Variants in MRPL27 observed in about 807,000 individuals in gnomAD.
The protein encoded by MRPL27 is large ribosomal subunit protein bL27m.
MRPL27 carries 4 observed loss-of-function variants against 14.6 expected under a neutral mutation model. That is an observed-to-expected ratio of 0.27 (90% CI 0.14 to 0.63). The LOEUF is 0.63. Among genes scored for constraint, MRPL27 ranks in the 20% least tolerant of loss-of-function variants. MRPL27 has a pLI of 0.85. For synonymous variants in MRPL27, 82 were observed against 75.5 expected (o/e 1.09, Z -0.45); for missense variants, 196 against 192.8 (o/e 1.02, Z -0.10).
At chr17:50,368,389 C>T in intron 3 of MRPL27, 91 bp from the exon 4 acceptor site, 1 of 1,370,768 alleles carries the variant, frequency 7.3e-7, no homozygotes, top group Admixed American at 2.0e-5. Context: ...CAGAGCCGGG[C>T]CCTGGGGCTG....
At chr17:50,369,934 G>A (rs895202876) in intron 3 of MRPL27, 98 bp downstream of exon 3, 7 of 1,333,906 alleles carry the variant, frequency 5.2e-6, no homozygotes, top group Non-Finnish European at 7.5e-6. Flanking sequence ...TTGCCATTTG[G>A]TAAGCACTCA....
At position 50,368,003 on chromosome 17, in the gene MRPL27, G is replaced by T; in HGVS notation, c.*89C>A. 1.4e-6 allele frequency: 2 copies of T among 1,397,614 alleles called. No homozygotes were observed. Among genetic ancestry groups the T allele is most frequent in the Non-Finnish European group, 2.0e-6 (2 of 1,003,956 alleles). 86.6% of individuals were successfully genotyped at this position (1,397,614 alleles called of 1,614,324 possible). A position where few individuals can be genotyped will look rare whatever the true frequency, so the allele number is the denominator to read the frequency against. On this transcript the variant is annotated 3_prime_UTR_variant, in exon 4 of 4. Coordinates refer to ENST00000225969, the MANE Select transcript of MRPL27 (RefSeq NM_016504.3). ...ATCAAGCAGACCTCTTCCTCGGGAG[G>T]CCGTGTCGCCACCCCAACCCTTGAC...
rs778620389 is a variant in MRPL27, at chr17:50,373,179, T to C, written c.-9A>G. The C allele has an allele frequency of 6.2e-7, 1 of 1,609,358 alleles. No homozygotes were observed. On this transcript the variant is annotated 5_prime_UTR_variant, in exon 1 of 4. Transcript: ENST00000225969. ...AACACCACCGACGCCATGCTTTCGATCACTCACTTCCGGTCTCGAAAAGTT... is the reference window on the plus strand; with the variant it reads ...AACACCACCGACGCCATGCTTTCGACCACTCACTTCCGGTCTCGAAAAGTT...
intron 3 of MRPL27, chr17:50,368,886 T>C (rs767264771): frequency 2.8e-6 from 2 of 702,252 alleles, no homozygotes; most frequent in South Asian, 3.0e-5. Context: ...ATGTGAAATA[T>C]GAAGCAGAGA....
At chr17:50,370,376 C>T (rs1913094044) in intron 2 of MRPL27, 79 bp downstream of exon 2, 1 of 1,598,282 alleles carries the variant, frequency 6.3e-7, no homozygotes, top group African/African-American at 1.3e-5. Context: ...GGGCCAGGCA[C>T]ACGCAGGGTT....
rs566987704 is a variant in MRPL27, at chr17:50,370,072, A to G, written c.200T>C (p.Ile67Thr). Residue 67 changes from isoleucine (I) to threonine (T), a missense_variant, in exon 3 of 4, where the codon ATT becomes ACT. By Grantham distance (89) the Ile-to-Thr change is moderately conservative (BLOSUM62 -1). Transcript: ENST00000225969. ...EGHYVHAGNI[I>T]ATQRHFRWHP... ...CCAGCGGAAATGGCGCTGTGTTGCAATGATGTTCCCAGCATGAACATAGTG... is the reference window on the plus strand; with the variant it reads ...CCAGCGGAAATGGCGCTGTGTTGCAGTGATGTTCCCAGCATGAACATAGTG... The G allele has an allele frequency of 1.2e-5, 19 of 1,613,698 alleles. No individual in the cohort carries two copies. In the East Asian group the frequency reaches 4.2e-4, roughly 36 times the overall value.
chr17:50,371,352 G>A (rs1419969918), intron 1 of MRPL27, among the ~76,000 whole-genome samples: 2 of 152,130 alleles, frequency 1.3e-5, no homozygotes, highest in Non-Finnish European at 2.9e-5. Context: ...CTCCCACAGG[G>A]TCCTGGCCAT....
At chr17:50,370,237 G>T in intron 2 of MRPL27, 138 bp from the exon 3 acceptor site, 1 of 1,142,976 alleles carries the variant, frequency 8.7e-7, no homozygotes, top group Non-Finnish European at 1.3e-6. Flanking sequence ...AAGCAGCGCA[G>T]GATCTGCCAC....
At position 50,370,173 on chromosome 17, in the gene MRPL27, C is replaced by G. The variant is rs189173084; in HGVS notation, c.173-74G>C. The G allele has an allele frequency of 2.1e-5, 30 of 1,450,010 alleles. No homozygotes were observed. The East Asian group carries it at 6.8e-4, about 33-fold the overall frequency. The allele number at this position is 1,450,010 out of a possible 1,614,324, so 89.8% of individuals were successfully genotyped here. A position where few individuals can be genotyped will look rare whatever the true frequency, so the allele number is the denominator to read the frequency against. ...AAAACATGATGGCCCAAATGCTGCACACCAACCTCCAAGCCTGCCCCTGGC... is the reference window on the plus strand; with the variant it reads ...AAAACATGATGGCCCAAATGCTGCAGACCAACCTCCAAGCCTGCCCCTGGC... On this transcript the variant is annotated intron_variant, in intron 2 of 3. Transcript: ENST00000225969.
chr17:50,368,000 G>A lies in MRPL27; in HGVS notation c.*92C>T, dbSNP rs1913010219. 7.3e-7 allele frequency: 1 copy of A among 1,370,684 alleles called. No homozygotes were observed. The highest frequency in any genetic ancestry group is 1.0e-6 in the Non-Finnish European group (1 of 981,402). 84.9% of individuals were successfully genotyped at this position (1,370,684 alleles called of 1,614,324 possible). On this transcript the variant is annotated 3_prime_UTR_variant, in exon 4 of 4. Coordinates refer to ENST00000225969, the MANE Select transcript of MRPL27 (RefSeq NM_016504.3). ...ACCATCAAGCAGACCTCTTCCTCGG[G>A]AGGCCGTGTCGCCACCCCAACCCTT... is the stretch of plus-strand genomic sequence containing the variant.
chr17:50,369,711 C>T (rs1913069752), intron 3 of MRPL27: 1 of 382,832 alleles, frequency 2.6e-6, no homozygotes, highest in South Asian at 3.9e-5. Flanking sequence ...TCTTGTCCTC[C>T]AAGAACTGAG....
chr17:50,370,039 C>A lies in MRPL27; in HGVS notation c.233G>T (p.Gly78Val). 6 of 1,613,882 alleles carry A rather than the reference C, an allele frequency of 3.7e-6. No individual in the cohort carries two copies. The highest frequency in any genetic ancestry group is 5.1e-6 in the Non-Finnish European group (6 of 1,179,946). ...ATQRHFRWHP[G>V]AHVGVGKNKC... Reference sequence around the variant, plus strand: ...AGCAACGGAGCAACTCACATGGGCACCTGGGTGCCAGCGGAAATGGCGCTG... The same window carrying A: ...AGCAACGGAGCAACTCACATGGGCAACTGGGTGCCAGCGGAAATGGCGCTG... Residue 78 changes from glycine to valine, a missense_variant, in exon 3 of 4, where the codon GGT becomes GTT. Gly to Val is a moderately radical substitution (Grantham distance 109). Coordinates refer to ENST00000225969, the MANE Select transcript of MRPL27 (RefSeq NM_016504.3).
At chr17:50,370,632 A>G (rs772170445) in intron 1 of MRPL27, 46 bp from the exon 2 acceptor site, 2 of 1,610,508 alleles carry the variant, frequency 1.2e-6, no homozygotes, top group South Asian at 2.2e-5. Context: ...GGCTCAAACT[A>G]TTTCTGCCTC....
chr17:50,370,318 T>G (rs930812431), intron 2 of MRPL27, 137 bp downstream of exon 2: 64 of 1,426,010 alleles, frequency 4.5e-5, no homozygotes, highest in Non-Finnish European at 5.7e-5. Flanking sequence ...TCCTCAGGTC[T>G]TATCCGTTCC....
At chr17:50,369,198 GC>G (rs1327042727) in intron 3 of MRPL27, 2 of 296,526 alleles carry the variant, frequency 6.7e-6, no homozygotes, top group Non-Finnish European at 1.3e-5. Flanking sequence ...ATCATAAAGG[GC>G]CTAGAATACT....
At chr17:50,373,034 G>A (rs1913231643) in intron 1 of MRPL27, 97 bp downstream of exon 1, 7 of 1,540,686 alleles carry the variant, frequency 4.5e-6, no homozygotes, top group Non-Finnish European at 5.3e-6. Flanking sequence ...TCGCATCCAA[G>A]GTCCTCCGCG....
intron 2 of MRPL27, 138 bp downstream of exon 2, chr17:50,370,317 C>T: frequency 7.0e-7 from 1 of 1,419,890 alleles, no homozygotes; most frequent in Non-Finnish European, 9.7e-7. Flanking sequence ...TTCCTCAGGT[C>T]TTATCCGTTC....
At position 50,370,112 on chromosome 17, in the gene MRPL27, T is replaced by A. The variant is rs1441521318; in HGVS notation, c.173-13A>T. On this transcript the variant is annotated splice_polypyrimidine_tract_variant and intron_variant, in intron 2 of 3. Transcript: ENST00000225969. ...TGAACATAGTGACCTAGAAGAGAAG[T>A]CCACAGTGACTGGGGCAGCATAGCA... 6.2e-7 allele frequency: 1 copy of A among 1,604,792 alleles called. No homozygotes were observed. Among genetic ancestry groups the A allele is most frequent in the Non-Finnish European group, 8.5e-7 (1 of 1,175,944 alleles).
chr17:50,372,266 G>A (rs565504762), intron 1 of MRPL27, among the ~76,000 whole-genome samples: 1 of 149,636 alleles, frequency 6.7e-6, no homozygotes, highest in African/African-American at 2.5e-5. Context: ...GGGGGGGGGG[G>A]ATAGGGCCCC....
Sources: allele counts gnomAD v4.1 joint callset (sites outside exome capture counted in the v4.1 genomes callset), GRCh38; gene constraint gnomAD v4.1.1; transcripts MANE v1.5; gene names NCBI Gene and HGNC (gene_info 2026-07-23, HGNC 2026-07-21).